GNAI2: variants seen among roughly 807,000 people sequenced by gnomAD.
GNAI2 encodes the protein G protein subunit alpha i2, also known as guanine nucleotide-binding protein G(i) subunit alpha-2.
In GNAI2, 4 loss-of-function variants were observed where a neutral mutation model predicts 36.8. The observed-to-expected ratio is 0.11, with a 90% confidence interval of 0.05 to 0.25. GNAI2 has a LOEUF of 0.25. Among genes scored for constraint, GNAI2 ranks in the 10% least tolerant of loss-of-function variants. The pLI is 1.00. For missense variants in GNAI2, 230 were observed against 481.3 expected, an observed-to-expected ratio of 0.48 and a Z score of 4.89; for synonymous variants, 194 against 194.1, an observed-to-expected ratio of 1.00 and a Z score of 0.01.
At chr3:50,244,707 T>G (rs922889525) in intron 1 of GNAI2, among the ~76,000 whole-genome samples, 3 of 152,228 alleles carry the variant, frequency 2.0e-5, no homozygotes, top group South Asian at 4.1e-4. Flanking sequence ...CCTCCGAATC[T>G]CAGTGCTGTG....
rs1170893603 is a variant in GNAI2 at position 50,256,044 on chromosome 3, CAAAAAAAAAAAAA to C, written c.465-131_465-119del. On this transcript the variant is annotated intron_variant, in intron 4 of 8. Transcript: ENST00000313601. ...CTGGCAACAGAGTAACACTCTGTCT[CAAAAAAAAAAAAA>C]AAAAAAAAAAAAAAAAGCAAGGGCT... 7.9e-4 allele frequency: 113 copies of C among 142,750 alleles called. 1 individual carries two copies. The highest frequency in any genetic ancestry group is 4.8e-3 in the African/African-American group (41 of 8,540). The allele number at this position is 142,750 out of a possible 1,614,324, so 8.8% of individuals were successfully genotyped here.
rs1198073719 is a variant in GNAI2 at position 50,253,766 on chromosome 3, C to T, written c.464+582C>T. On this transcript the variant is annotated intron_variant, in intron 4 of 8. Coordinates refer to ENST00000313601, the MANE Select transcript of GNAI2 (RefSeq NM_002070.4). This position sits in a 1 kb window ranked among gnomAD's most constrained non-coding sequence, Gnocchi z 4.2. The stretch of plus-strand genomic sequence containing the variant: ...ACATTTGCTGCCACCTGTTCTGTGC[C>T]AGGCTTCAAGGACACAGTGATGAGT... Among the ~76,000 whole-genome samples, 4 of 152,156 alleles carry T rather than the reference C, an allele frequency of 2.6e-5. No homozygotes were observed. Among genetic ancestry groups the T allele is most frequent in the African/African-American group, 9.7e-5 (4 of 41,418 alleles).
chr3:50,251,902 GT>G, intron 1 of GNAI2, 197 bp from the exon 2 acceptor site: 1 of 980,528 alleles, frequency 1.0e-6, no homozygotes, highest in Non-Finnish European at 1.5e-6. Flanking sequence ...GGTGCTCTAG[GT>G]TACCTTGACC....
upstream of GNAI2, among the ~76,000 whole-genome samples, chr3:50,227,645 G>C (rs1053057489): frequency 1.3e-5 from 2 of 152,260 alleles, no homozygotes; most frequent in Non-Finnish European, 2.9e-5. The surrounding 1 kb of genome is among the most constrained non-coding windows in gnomAD (Gnocchi z 5.9). Context: ...GGCCAGAATC[G>C]GGGGAGGACG....
In GNAI2 at chr3:50,259,150, G is replaced by A. The variant is rs1700792448; in HGVS notation, c.*807G>A. On this transcript the variant is annotated 3_prime_UTR_variant, in exon 9 of 9. Coordinates refer to ENST00000313601, the MANE Select transcript of GNAI2 (RefSeq NM_002070.4). Reference sequence around the variant, plus strand: ...ACGTCACTGAGGGCCCTGCCCCAGCGGCCCTGGCCCCAGGCTCTATTAACC... The same window carrying A: ...ACGTCACTGAGGGCCCTGCCCCAGCAGCCCTGGCCCCAGGCTCTATTAACC... The A allele has an allele frequency of 8.9e-6, 3 of 336,462 alleles. No individual in the cohort carries two copies. The highest frequency in any genetic ancestry group is 5.8e-6 in the Non-Finnish European group (1 of 172,998). 20.8% of individuals were successfully genotyped at this position (336,462 alleles called of 1,614,324 possible).
Position 50,256,539 on chromosome 3 carries a change from C to T in GNAI2, c.594-184C>T, listed in dbSNP as rs1452458935. The T allele has an allele frequency of 1.5e-5, 11 of 728,314 alleles. No homozygotes were observed. The African/African-American group carries it at 1.8e-4, about 12-fold the overall frequency. 45.1% of individuals were successfully genotyped at this position (728,314 alleles called of 1,614,324 possible). On this transcript the variant is annotated intron_variant, in intron 5 of 8. Transcript: ENST00000313601. ...CTGCTGCTCCTGCCTGATGTGGCTG[C>T]AGCCTGCCTGCTGTCCAAGCTCCTG... is the stretch of plus-strand genomic sequence containing the variant.
intron 8 of GNAI2, chr3:50,258,023 G>C: frequency 4.0e-6 from 1 of 252,856 alleles, no homozygotes; most frequent in South Asian, 1.3e-4. Context: ...TCACCCACCA[G>C]GCCATTGGCC....
chr3:50,239,059 A>G (rs991550252), intron 1 of GNAI2, among the ~76,000 whole-genome samples: 1 of 152,094 alleles, frequency 6.6e-6, no homozygotes, highest in Non-Finnish European at 1.5e-5. Context: ...TACCAGTCCT[A>G]TTCTAGGGAT....
rs1299257077 is a variant in GNAI2, at chr3:50,252,074, CT to C, written c.119-25del. 1 of 1,612,548 alleles carries C rather than the reference CT, an allele frequency of 6.2e-7. No homozygotes were observed. Among genetic ancestry groups the C allele is most frequent in the Non-Finnish European group, 8.5e-7 (1 of 1,178,846 alleles). On this transcript the variant is annotated intron_variant, in intron 1 of 8. Coordinates refer to ENST00000313601, the MANE Select transcript of GNAI2 (RefSeq NM_002070.4). The surrounding 1 kb of genome is among the most constrained non-coding windows in gnomAD (Gnocchi z 4.1). ...TGTGGAGCCCCTCTGGGCCTGCCCCCTGACCACCTGTGCCCTCTGTTCCAGG... is the reference window on the plus strand; with the variant it reads ...TGTGGAGCCCCTCTGGGCCTGCCCCCGACCACCTGTGCCCTCTGTTCCAGG...
Position 50,253,137 on chromosome 3 carries a change from C to T in GNAI2, c.417C>T (p.Ala139=), listed in dbSNP as rs1700607247. 2 of 1,613,596 alleles carry T rather than the reference C, an allele frequency of 1.2e-6. No individual in the cohort carries two copies. Among genetic ancestry groups the T allele is most frequent in the Non-Finnish European group, 8.5e-7 (1 of 1,179,734 alleles). The change falls in exon 4 of 9, where the codon GCC becomes GCT. Residue 139 remains alanine, a synonymous_variant. Coordinates refer to ENST00000313601, the MANE Select transcript of GNAI2 (RefSeq NM_002070.4). This position sits in a 1 kb window ranked among gnomAD's most constrained non-coding sequence, Gnocchi z 4.2. ...TCTGGGCTGACCATGGTGTGCAGGC[C>T]TGCTTTGGCCGCTCAAGGGAATACC... The part of the protein sequence containing the change: ...RRLWADHGVQ[A]CFGRSREYQL...
chr3:50,238,160 C>G lies in GNAI2; in HGVS notation c.118+1707C>G, dbSNP rs977852944. The G allele has an allele frequency of 6.6e-6, 1 of 152,328 alleles. No homozygotes were observed. Among genetic ancestry groups the G allele is most frequent in the East Asian group, 1.9e-4 (1 of 5,186 alleles). 9.4% of individuals were successfully genotyped at this position (152,328 alleles called of 1,614,324 possible). The stretch of plus-strand genomic sequence containing the variant: ...GTGGGTGTCGACGCGGCGGAATGCC[C>G]GTCGCTGCTGCTGCTGCTGCCCGAC... On this transcript the variant is annotated intron_variant, in intron 1 of 8. Transcript: ENST00000313601. This position sits in a 1 kb window ranked among gnomAD's most constrained non-coding sequence, Gnocchi z 5.0.
In GNAI2 at chr3:50,255,249, C is replaced by CA. The variant is rs1700661347; in HGVS notation, c.465-942dup. On this transcript the variant is annotated intron_variant, in intron 4 of 8. Transcript: ENST00000313601. This position sits in a 1 kb window ranked among gnomAD's most constrained non-coding sequence, Gnocchi z 4.0. The stretch of plus-strand genomic sequence containing the variant: ...AGCCTGGAGGCCTGGGACCAGCCTC[C>CA]AGGGCATGGCAGGGATATTGAGGCA... Among the ~76,000 whole-genome samples the CA allele has an allele frequency of 6.6e-6, 1 of 152,196 alleles. No homozygotes were observed. Among genetic ancestry groups the CA allele is most frequent in the Admixed American group, 6.5e-5 (1 of 15,284 alleles).
At chr3:50,257,215 G>C in intron 7 of GNAI2, 125 bp downstream of exon 7, 1 of 794,016 alleles carries the variant, frequency 1.3e-6, no homozygotes, top group Non-Finnish European at 2.0e-6. Context: ...ACTGGCAGGG[G>C]CTGGTGCCTC....
chr3:50,236,565 C>T lies in GNAI2; in HGVS notation c.118+112C>T. On this transcript the variant is annotated intron_variant, in intron 1 of 8. Coordinates refer to ENST00000313601, the MANE Select transcript of GNAI2 (RefSeq NM_002070.4). This position sits in a 1 kb window ranked among gnomAD's most constrained non-coding sequence, Gnocchi z 4.0. ...CTCCCAGACCCGGGCTGTCTGGGAC[C>T]CCACACCTGGGCCAGGACCAGGGTT... 7.1e-7 allele frequency: 1 copy of T among 1,399,000 alleles called. No homozygotes were observed. The highest frequency in any genetic ancestry group is 9.4e-7 in the Non-Finnish European group (1 of 1,062,196). The allele number at this position is 1,399,000 out of a possible 1,614,324, so 86.7% of individuals were successfully genotyped here.
upstream of GNAI2, among the ~76,000 whole-genome samples, chr3:50,231,323 G>T (rs142889002): frequency 2.2e-3 from 339 of 152,332 alleles, no homozygotes; most frequent in Non-Finnish European, 3.8e-3. Flanking sequence ...TCTGTTGCCG[G>T]GCTGGAGGGC....
intron 1 of GNAI2, among the ~76,000 whole-genome samples, chr3:50,249,324 G>A (rs1700493752): frequency 6.6e-6 from 1 of 152,210 alleles, no homozygotes; most frequent in East Asian, 1.9e-4. Flanking sequence ...TGCCCTCCCT[G>A]CCCCAGTGGG....
At chr3:50,245,280 G>T (rs1333815699) in intron 1 of GNAI2, among the ~76,000 whole-genome samples, 1 of 152,190 alleles carries the variant, frequency 6.6e-6, no homozygotes, top group Non-Finnish European at 1.5e-5. Flanking sequence ...ATACAGGCGT[G>T]AGCCACCCCG....
chr3:50,236,221 G>A lies in GNAI2; in HGVS notation c.-115G>A. 8.4e-7 allele frequency: 1 copy of A among 1,187,696 alleles called. No individual in the cohort carries two copies. Among genetic ancestry groups the A allele is most frequent in the Non-Finnish European group, 1.0e-6 (1 of 960,286 alleles). 73.6% of individuals were successfully genotyped at this position (1,187,696 alleles called of 1,614,324 possible). A position where few individuals can be genotyped will look rare whatever the true frequency, so the allele number is the denominator to read the frequency against. ...CCTCCCGCAGTCGCTCGGAACTGCCGACCCGAGTGCTTCCCGCAGAGGGCT... is the reference window on the plus strand; with the variant it reads ...CCTCCCGCAGTCGCTCGGAACTGCCAACCCGAGTGCTTCCCGCAGAGGGCT... On this transcript the variant is annotated 5_prime_UTR_variant, in exon 1 of 9. Transcript: ENST00000313601. This position sits in a 1 kb window ranked among gnomAD's most constrained non-coding sequence, Gnocchi z 4.0.
chr3:50,251,381 CTGTACCAGGCCAGGGA>C, intron 1 of GNAI2: 1 of 1,011,956 alleles, frequency 9.9e-7, no homozygotes, highest in Non-Finnish European at 1.2e-6. Flanking sequence ...TGGGCCAGGG[CTGTACCAGGCCAGGGA>C]AAAGCTTGAG....
Sources: gnomAD v4.1 joint callset for allele counts (sites outside exome capture counted in the v4.1 genomes callset) on GRCh38, gnomAD v4.1.1 for gene constraint, Gnocchi (gnomAD v3.1) non-coding constraint, MANE v1.5 for transcripts, NCBI Gene and HGNC (gene_info 2026-07-23, HGNC 2026-07-21) for gene names.